Variants in WNK1 observed in about 807,000 individuals in gnomAD.
WNK1 encodes serine/threonine-protein kinase WNK1.
WNK1 carries 38 observed loss-of-function variants against 222.8 expected under a neutral mutation model. The observed-to-expected ratio is 0.17, with a 90% CI of 0.13 to 0.22. The LOEUF is 0.22. WNK1 is among the 10% of genes least tolerant of loss of function. WNK1 has a pLI of 1.00. For missense variants in WNK1, 2,348 were observed against 2,918.4 expected (o/e 0.80, Z 4.50); for synonymous variants, 1,090 against 1,092.9 (o/e 1.00, Z 0.05).
chr12:799,333 G>A (rs1429277831), intron 1 of WNK1, among the ~76,000 whole-genome samples: 1 of 146,048 alleles, frequency 6.8e-6, no homozygotes, highest in Non-Finnish European at 1.5e-5. Flanking sequence ...GTTTTACCCT[G>A]TTTCCCAGGC....
chr12:756,830 T>A (rs1335960244), intron 1 of WNK1, among the ~76,000 whole-genome samples: 1 of 152,244 alleles, frequency 6.6e-6, no homozygotes, highest in Non-Finnish European at 1.5e-5. Flanking sequence ...CATATATTTC[T>A]GAAGCAAGAC....
At chr12:801,370 A>T (rs997835198) in intron 1 of WNK1, among the ~76,000 whole-genome samples, 2 of 151,644 alleles carry the variant, frequency 1.3e-5, no homozygotes, top group African/African-American at 4.9e-5. Flanking sequence ...GTATGTATGT[A>T]TTTGGTTCAG....
intron 4 of WNK1, among the ~76,000 whole-genome samples, chr12:852,350 G>A (rs2154056370): frequency 6.6e-6 from 1 of 152,220 alleles, no homozygotes; most frequent in East Asian, 1.9e-4. Flanking sequence ...AAATTGTGCA[G>A]AAGTGGCCTT....
chr12:856,944 GAAGT>G (rs1950838630), intron 4 of WNK1, among the ~76,000 whole-genome samples: 2 of 152,240 alleles, frequency 1.3e-5, no homozygotes, highest in East Asian at 3.9e-4. Context: ...GTCACATATG[GAAGT>G]AAGTGACCCT....
Position 896,551 on chromosome 12 carries a change from G to T in WNK1, c.6064G>T (p.Asp2022Tyr). The T allele has an allele frequency of 6.2e-7, 1 of 1,613,214 alleles. No homozygotes were observed. ...SDPEAAFLSR[D>Y]VDDGSGSPHS... is the part of the protein sequence containing the mutation. ...CCCGGAGGCCGCTTTTTTAAGTAGG[G>T]ATGTGGATGATGGTTCCGGTAGTCC... The change falls in exon 24 of 28, where the codon GAT becomes TAT. Residue 2022 changes from aspartate to tyrosine, a missense_variant. By Grantham distance (160) the Asp-to-Tyr change is radical (BLOSUM62 -3). Transcript: ENST00000315939.
At chr12:908,268 A>G (rs1955867771) in intron 27 of WNK1, 1 of 734,136 alleles carries the variant, frequency 1.4e-6, no homozygotes, top group Non-Finnish European at 2.3e-6. Flanking sequence ...ATCCTCAACT[A>G]CACACACACA....
At chr12:776,236 T>C (rs1241872622) in intron 1 of WNK1, among the ~76,000 whole-genome samples, 1 of 151,838 alleles carries the variant, frequency 6.6e-6, no homozygotes, top group African/African-American at 2.4e-5. Context: ...GGTCAAGCTA[T>C]GTTGCTCAGG....
chr12:879,013 A>G (rs1436614674), intron 10 of WNK1, among the ~76,000 whole-genome samples: 4 of 152,166 alleles, frequency 2.6e-5, no homozygotes, highest in African/African-American at 7.2e-5. Context: ...AATTTCTCAC[A>G]TGTTAAAATG....
chr12:752,929 C>T lies in WNK1; in HGVS notation c.-637C>T, dbSNP rs1386183419. On this transcript the variant is annotated 5_prime_UTR_variant, in exon 1 of 28. Transcript: ENST00000315939. ...GCGCCGAGGCTCCGAGGCTCCGGCC[C>T]TTCGCCTCTGGGCGATGGGCGACCT... The T allele has an allele frequency of 6.6e-6, 1 of 152,204 alleles. No homozygotes were observed. The allele number at this position is 152,204 out of a possible 1,614,324, so 9.4% of individuals were successfully genotyped here.
At chr12:843,596 T>G (rs893350980) in intron 4 of WNK1, among the ~76,000 whole-genome samples, 2 of 152,204 alleles carry the variant, frequency 1.3e-5, no homozygotes, top group Non-Finnish European at 2.9e-5. Context: ...TTGAAGTATA[T>G]GAAGAAAATC....
rs201321240 is a variant in WNK1, at chr12:878,785, G to GT, written c.2373+433dup. Among the ~76,000 whole-genome samples, 211 of 123,222 alleles carry GT rather than the reference G, an allele frequency of 1.7e-3. 7 individuals carry two copies. The highest frequency in any genetic ancestry group is 3.5e-3 in the African/African-American group (134 of 38,316). The allele number at this position is 123,222 out of a possible 152,430, so 80.8% of individuals were successfully genotyped here. A position where few individuals can be genotyped will look rare whatever the true frequency, so the allele number is the denominator to read the frequency against. ...TTCTGCACTGTTTACTGTGTGGAATGTTTTTTTTTCTTAAGTAGTCCTCCT... is the reference window on the plus strand; with the variant it reads ...TTCTGCACTGTTTACTGTGTGGAATGTTTTTTTTTTCTTAAGTAGTCCTCCT... On this transcript the variant is annotated intron_variant, in intron 10 of 27. Transcript: ENST00000315939.
chr12:881,662 C>G, intron 12 of WNK1, 30 bp from the exon 13 acceptor site: 1 of 1,551,328 alleles, frequency 6.4e-7, no homozygotes, highest in East Asian at 2.2e-5. Context: ...CTATTACTAC[C>G]GAGATTTGAG....
intron 4 of WNK1, among the ~76,000 whole-genome samples, chr12:830,566 G>T (rs1948714264): frequency 6.6e-6 from 1 of 152,094 alleles, no homozygotes; most frequent in South Asian, 2.1e-4. Context: ...GACTTGAGTT[G>T]ATTTATTAAA....
intron 9 of WNK1, among the ~76,000 whole-genome samples, chr12:877,355 G>A (rs914142644): frequency 2.6e-5 from 4 of 152,090 alleles, no homozygotes; most frequent in African/African-American, 9.7e-5. Context: ...GTGAGCCACC[G>A]CGCCCAGCCT....
intron 24 of WNK1, 98 bp from the exon 25 acceptor site, chr12:897,381 A>G (rs1954846156): frequency 1.2e-6 from 1 of 825,984 alleles, no homozygotes; most frequent in Non-Finnish European, 2.1e-6. Context: ...ATTAGTAACT[A>G]CTACATACTT....
chr12:816,537 T>C (rs1468943348), intron 2 of WNK1, among the ~76,000 whole-genome samples: 2 of 152,096 alleles, frequency 1.3e-5, no homozygotes, highest in Admixed American at 1.3e-4. Context: ...CTCATCCCGA[T>C]TTGACCTCCC....
chr12:902,728 A>T lies in WNK1; in HGVS notation c.6643+2058A>T, dbSNP rs1047564413. ...GCCAGTGTCCTAGGGCCATCGTACA[A>T]ATCAAGCTAAGATCATGTACAGAGA... On this transcript the variant is annotated intron_variant, in intron 26 of 27. Transcript: ENST00000315939. Among the ~76,000 whole-genome samples, 18 of 152,348 alleles carry T rather than the reference A, an allele frequency of 1.2e-4. No homozygotes were observed. The East Asian group carries it at 3.3e-3, about 28-fold the overall frequency.
chr12:900,810 A>C, intron 26 of WNK1, 140 bp downstream of exon 26: 1 of 1,048,778 alleles, frequency 9.5e-7, no homozygotes, highest in South Asian at 1.3e-5. Context: ...ATCTGGGTGA[A>C]AAGGGAAGTG....
chr12:906,649 C>T (rs1458022604), intron 26 of WNK1: 3 of 984,768 alleles, frequency 3.0e-6, no homozygotes, highest in Non-Finnish European at 3.6e-6. Context: ...GAGGTTAACC[C>T]CTCCCAAGTT....
Sources: allele counts gnomAD v4.1 joint callset (sites outside exome capture counted in the v4.1 genomes callset), GRCh38; gene constraint gnomAD v4.1.1; transcripts MANE v1.5; gene names NCBI Gene and HGNC (gene_info 2026-07-23, HGNC 2026-07-21).